Variants in KLF8 observed in about 807,000 individuals in gnomAD.
KLF8 encodes KLF transcription factor 8.
KLF8 carries 10 observed loss-of-function variants against 18.2 expected under a neutral mutation model. That is an observed-to-expected ratio of 0.55 (90% CI 0.34 to 0.93). KLF8 has a LOEUF of 0.93. Ranked by LOEUF, KLF8 falls within the 40% of genes least tolerant of loss-of-function variation. KLF8 has a pLI of 0.02. For synonymous variants in KLF8, 109 were observed against 97.3 expected (o/e 1.12, Z -0.71); for missense variants, 264 against 277.9 (o/e 0.95, Z 0.36).
At chrX:55,939,169 A>C in the KLF8 span, among the ~76,000 whole-genome samples, 3 of 112,041 alleles carry the variant, frequency 2.7e-5, no homozygotes, top group Non-Finnish European at 5.6e-5. Context: ...AATTATAACA[A>C]ACTGTCTCTC....
chrX:55,935,634 G>C, the KLF8 span, among the ~76,000 whole-genome samples: 4 of 112,163 alleles, frequency 3.6e-5, no homozygotes, highest in South Asian at 3.6e-4. Flanking sequence ...AAATGAACTA[G>C]AGCCACATGG....
At chrX:56,260,862 T>C (rs1169455885) in intron 2 of KLF8, among the ~76,000 whole-genome samples, 1 of 111,905 alleles carries the variant, frequency 8.9e-6, no homozygotes, top group Non-Finnish European at 1.9e-5. Flanking sequence ...GAGCCTAGGC[T>C]TTATCGTGTT....
the KLF8 span, among the ~76,000 whole-genome samples, chrX:56,212,727 T>C: frequency 8.9e-6 from 1 of 112,330 alleles, no homozygotes; most frequent in East Asian, 2.8e-4. Flanking sequence ...TCAGTGTTTC[T>C]TTCAAGGATA....
the KLF8 span, among the ~76,000 whole-genome samples, chrX:56,158,176 G>GTT: frequency 1.9e-4 from 21 of 111,475 alleles, no homozygotes; most frequent in East Asian, 5.9e-3. Flanking sequence ...TTTTTCTCAG[G>GTT]TTTGTCAAAG....
At chrX:55,947,759 G>A in the KLF8 span, among the ~76,000 whole-genome samples, 3 of 111,661 alleles carry the variant, frequency 2.7e-5, no homozygotes, top group African/African-American at 9.8e-5. Flanking sequence ...GCTCTAAGAA[G>A]CCTTGCAAAA....
chrX:56,106,448 G>T, the KLF8 span, among the ~76,000 whole-genome samples: 5 of 110,878 alleles, frequency 4.5e-5, no homozygotes, highest in South Asian at 1.9e-3. Flanking sequence ...CTTGTCTTCT[G>T]GCTTCATTAA....
chrX:56,188,995 G>A, the KLF8 span, among the ~76,000 whole-genome samples: 6 of 111,628 alleles, frequency 5.4e-5, no homozygotes, highest in Non-Finnish European at 9.4e-5. Flanking sequence ...AAAAGCAATG[G>A]CAACAAAAGC....
the KLF8 span, among the ~76,000 whole-genome samples, chrX:56,179,457 T>G: frequency 2.5e-3 from 277 of 112,432 alleles, 1 homozygote; most frequent in Non-Finnish European, 3.6e-3. Flanking sequence ...TTTGAATTCT[T>G]CTTTTCCTAA....
the KLF8 span, among the ~76,000 whole-genome samples, chrX:55,991,332 C>T: frequency 8.9e-6 from 1 of 112,182 alleles, no homozygotes; most frequent in East Asian, 2.8e-4. Flanking sequence ...TCCTGGTATG[C>T]CTTTTGCTAA....
chrX:56,169,716 C>T, the KLF8 span, among the ~76,000 whole-genome samples: 3 of 110,686 alleles, frequency 2.7e-5, no homozygotes, highest in East Asian at 8.6e-4. Flanking sequence ...GACTCCAGTC[C>T]CTGGCTCCTG....
At chrX:56,180,560 G>C in the KLF8 span, among the ~76,000 whole-genome samples, 2 of 111,091 alleles carry the variant, frequency 1.8e-5, no homozygotes, top group African/African-American at 6.6e-5. Context: ...ATGTTAGGCT[G>C]TCAATTTTGA....
At chrX:56,161,029 G>A in the KLF8 span, among the ~76,000 whole-genome samples, 88 of 111,308 alleles carry the variant, frequency 7.9e-4, 1 homozygote, top group East Asian at 0.02. Flanking sequence ...GGCTGGTACC[G>A]GTTGTTCCTT....
In KLF8 at chrX:56,287,615, A is replaced by C. The variant is rs2067282195; in HGVS notation, c.*3121A>C. 8.9e-6 allele frequency: 1 copy of C among 112,165 alleles called. No individual in the cohort carries two copies. 9.2% of individuals were successfully genotyped at this position (112,165 alleles called of 1,213,427 possible). A position where few individuals can be genotyped will look rare whatever the true frequency, so the allele number is the denominator to read the frequency against. On this transcript the variant is annotated 3_prime_UTR_variant, in exon 6 of 6. Transcript: ENST00000468660. ...TGAACATAAACTTCATAATTATAGT[A>C]AAATTTAGGAAAAACTATGAGTGTG...
chrX:56,097,513 T>TTTA, the KLF8 span, among the ~76,000 whole-genome samples: 152 of 106,223 alleles, frequency 1.4e-3, 2 homozygotes, highest in South Asian at 7.8e-3. Flanking sequence ...CAATCACTCT[T>TTTA]TTATTATTAT....
chrX:55,973,133 T>G, the KLF8 span, among the ~76,000 whole-genome samples: 2 of 112,312 alleles, frequency 1.8e-5, no homozygotes, highest in Non-Finnish European at 3.8e-5. Context: ...GTAGTGGTGA[T>G]AGCATAACTG....
the KLF8 span, among the ~76,000 whole-genome samples, chrX:56,226,944 C>T: frequency 8.9e-6 from 1 of 112,360 alleles, no homozygotes; most frequent in Non-Finnish European, 1.9e-5. Flanking sequence ...GCCATTTGGG[C>T]AAACAAAGGA....
intron 2 of KLF8, among the ~76,000 whole-genome samples, chrX:56,253,764 C>CTTTTTCTTTTTTTT (rs1445253255): frequency 1.7e-5 from 1 of 60,113 alleles, no homozygotes; most frequent in African/African-American, 7.2e-5. Flanking sequence ...TTTTCTTTTT[C>CTTTTTCTTTTTTTT]TTTTTTTTTT....
At chrX:56,058,070 GTTTC>G in the KLF8 span, among the ~76,000 whole-genome samples, 1 of 101,297 alleles carries the variant, frequency 9.9e-6, no homozygotes, top group Admixed American at 1.1e-4. Flanking sequence ...GCTAGCTACT[GTTTC>G]TTTCTTCTCT....
the KLF8 span, among the ~76,000 whole-genome samples, chrX:56,077,322 G>C: frequency 8.9e-6 from 1 of 111,849 alleles, no homozygotes; most frequent in South Asian, 3.7e-4. Context: ...TTTTGTACAA[G>C]GTGTAAGGAA....
Sources: allele counts gnomAD v4.1 joint callset (sites outside exome capture counted in the v4.1 genomes callset), GRCh38; gene constraint gnomAD v4.1.1; transcripts MANE v1.5; gene names NCBI Gene and HGNC (gene_info 2026-07-23, HGNC 2026-07-21).